Variants in SLC13A3 observed in about 807,000 individuals in gnomAD.
The protein encoded by SLC13A3 is solute carrier family 13 member 3.
SLC13A3 carries 40 observed loss-of-function variants against 59.0 expected under a neutral mutation model. That is an observed-to-expected ratio of 0.68 (90% CI 0.53 to 0.88). The LOEUF (loss-of-function observed/expected upper bound fraction) is 0.88, where lower values mean the gene tolerates loss of function less well. Ranked by LOEUF, SLC13A3 falls within the 40% of genes least tolerant of loss-of-function variation. The pLI, the probability that SLC13A3 is intolerant of heterozygous loss-of-function variation, is 0.00. For missense variants in SLC13A3, 699 were observed against 783.2 expected, an observed-to-expected ratio of 0.89 and a Z score of 1.28; for synonymous variants, 317 against 330.3, an observed-to-expected ratio of 0.96 and a Z score of 0.44.
intron 1 of SLC13A3, 88 bp from the exon 2 acceptor site, chr20:46,613,813 A>T: frequency 3.3e-6 from 3 of 917,004 alleles, no homozygotes; most frequent in Non-Finnish European, 4.5e-6. Flanking sequence ...AGGGGGAAGG[A>T]GGCCTGGGCT....
upstream of SLC13A3, among the ~76,000 whole-genome samples, chr20:46,656,355 A>G (rs1303095703): frequency 1.1e-5 from 1 of 90,392 alleles, no homozygotes; most frequent in Admixed American, 1.3e-4. Context: ...ATTATACTGT[A>G]TATGATATAC....
chr20:46,655,581 T>C (rs566532260), upstream of SLC13A3, among the ~76,000 whole-genome samples: 1 of 147,758 alleles, frequency 6.8e-6, no homozygotes, highest in African/African-American at 2.5e-5. Context: ...TAATATTCCA[T>C]TGTATGGATA....
chr20:46,570,811 T>C (rs1369776756), intron 10 of SLC13A3, among the ~76,000 whole-genome samples: 1 of 152,206 alleles, frequency 6.6e-6, no homozygotes, highest in African/African-American at 2.4e-5. Flanking sequence ...AAATAAATAA[T>C]ATGACGTGCC....
At chr20:46,623,449 T>G (rs914809503) in intron 1 of SLC13A3, among the ~76,000 whole-genome samples, 3 of 152,200 alleles carry the variant, frequency 2.0e-5, no homozygotes, top group East Asian at 1.9e-4. Flanking sequence ...CAGGCTGGTC[T>G]TGAATTCCTG....
upstream of SLC13A3, among the ~76,000 whole-genome samples, chr20:46,652,388 GTTTT>G (rs200645740): frequency 2.7e-5 from 4 of 150,900 alleles, no homozygotes; most frequent in Admixed American, 1.3e-4. Flanking sequence ...TTATTTTTGG[GTTTT>G]TTTTTCTTTT....
At chr20:46,679,261 G>A (rs537731447) in intron 1 of SLC13A3, among the ~76,000 whole-genome samples, 3 of 152,258 alleles carry the variant, frequency 2.0e-5, no homozygotes, top group East Asian at 1.9e-4. Flanking sequence ...TGTCCAAAAG[G>A]AATAAGAAGG....
At position 46,610,583 on chromosome 20, in the gene SLC13A3, GT is replaced by G; in HGVS notation, c.403del (p.Thr135ProfsTer8). The G allele has an allele frequency of 6.2e-7, 1 of 1,613,974 alleles. No individual in the cohort carries two copies. Among genetic ancestry groups the G allele is most frequent in the African/African-American group, 1.3e-5 (1 of 75,046 alleles). Reference sequence around the variant, plus strand: ...GCTCAGCCACATGGACAAGAACGAGGTGGTCACCATCATCCCCAGGATGAGC... The same window carrying G: ...GCTCAGCCACATGGACAAGAACGAGGGGTCACCATCATCCCCAGGATGAGC... ...ARLILGMMVT[T>X]SFLSMWLSNT... On this transcript the variant is annotated frameshift_variant, in exon 3 of 13. Coordinates refer to ENST00000279027, the MANE Select transcript of SLC13A3 (RefSeq NM_022829.6). LOFTEE classifies it high-confidence loss of function.
intron 2 of SLC13A3, among the ~76,000 whole-genome samples, chr20:46,612,280 C>T (rs966254213): frequency 2.6e-5 from 4 of 151,792 alleles, no homozygotes; most frequent in African/African-American, 4.8e-5. Flanking sequence ...CACAGGCATG[C>T]GCCACCACGC....
intron 5 of SLC13A3, among the ~76,000 whole-genome samples, chr20:46,594,974 C>G (rs1419065799): frequency 6.6e-6 from 1 of 152,164 alleles, no homozygotes; most frequent in African/African-American, 2.4e-5. Context: ...AAACCTCTCT[C>G]GGGGAGATCA....
chr20:46,599,283 C>T (rs762416579), intron 4 of SLC13A3, among the ~76,000 whole-genome samples: 1 of 152,240 alleles, frequency 6.6e-6, no homozygotes, highest in African/African-American at 2.4e-5. Flanking sequence ...GATCAATGCC[C>T]AGCACTGCCT....
rs1008089152 is a variant in SLC13A3, at chr20:46,559,190, T to G, written c.*832A>C. On this transcript the variant is annotated 3_prime_UTR_variant, in exon 13 of 13. Transcript: ENST00000279027. ...TGACCGCCTTGCAGCCACAGAGGCC[T>G]ATGGGGGCCACATGTAGGAGAGTCC... 1 of 152,410 alleles carries G rather than the reference T, an allele frequency of 6.6e-6. No homozygotes were observed. Among genetic ancestry groups the G allele is most frequent in the African/African-American group, 2.4e-5 (1 of 41,440 alleles). The allele number at this position is 152,410 out of a possible 1,614,324, so 9.4% of individuals were successfully genotyped here.
At chr20:46,609,152 T>C (rs2062466476) in intron 3 of SLC13A3, 3 of 1,447,076 alleles carry the variant, frequency 2.1e-6, no homozygotes, top group South Asian at 3.1e-5. Flanking sequence ...AATACAGTTA[T>C]GTAAATTAAA....
At chr20:46,586,723 A>G (rs971825067) in intron 8 of SLC13A3, among the ~76,000 whole-genome samples, 2 of 152,164 alleles carry the variant, frequency 1.3e-5, no homozygotes, top group African/African-American at 4.8e-5. Flanking sequence ...CACAAGTCCC[A>G]CATTTAACTT....
chr20:46,667,943 TATTGTA>T (rs1236800551), intron 1 of SLC13A3, among the ~76,000 whole-genome samples: 2 of 152,216 alleles, frequency 1.3e-5, no homozygotes, highest in East Asian at 3.8e-4. Context: ...TTGAAGTTAC[TATTGTA>T]ATTGTTTTGA....
upstream of SLC13A3, among the ~76,000 whole-genome samples, chr20:46,653,823 C>T (rs1275331600): frequency 6.6e-6 from 1 of 152,054 alleles, no homozygotes; most frequent in East Asian, 1.9e-4. Context: ...TATACTATAT[C>T]GTGTTTATCC....
At chr20:46,680,458 A>C (rs1255182354) in intron 1 of SLC13A3, among the ~76,000 whole-genome samples, 1 of 152,214 alleles carries the variant, frequency 6.6e-6, no homozygotes, top group South Asian at 2.1e-4. Flanking sequence ...TGCGACCCAG[A>C]TCCCTTAAGG....
chr20:46,609,573 G>T (rs383551), intron 3 of SLC13A3, among the ~76,000 whole-genome samples: 57,116 of 151,912 alleles, frequency 0.38, 12,182 homozygotes, highest in African/African-American at 0.58. Context: ...ATCATACATT[G>T]CTTACAAAAT....
chr20:46,617,783 C>G (rs1446645233), intron 1 of SLC13A3, among the ~76,000 whole-genome samples: 1 of 152,190 alleles, frequency 6.6e-6, no homozygotes, highest in Admixed American at 6.5e-5. Flanking sequence ...AAATCTGCAT[C>G]ACATTCTGCG....
chr20:46,592,636 G>C, intron 5 of SLC13A3, 107 bp from the exon 6 acceptor site: 1 of 1,131,294 alleles, frequency 8.8e-7, no homozygotes, highest in Non-Finnish European at 1.3e-6. Flanking sequence ...AGGAATGAGA[G>C]GGTCCCATGG....
Sources: allele counts gnomAD v4.1 joint callset (sites outside exome capture counted in the v4.1 genomes callset), GRCh38; gene constraint gnomAD v4.1.1; transcripts MANE v1.5; gene names NCBI Gene and HGNC (gene_info 2026-07-23, HGNC 2026-07-21).